WDR19: variants seen among roughly 807,000 people sequenced by gnomAD.
The protein encoded by WDR19 is WD repeat domain 19.
A neutral mutation model predicts 180.0 loss-of-function variants in WDR19; 121 were observed. The ratio of observed to expected loss-of-function variants is 0.67; its 90% CI spans 0.58 to 0.78. WDR19 has a LOEUF of 0.78. Among genes scored for constraint, WDR19 ranks in the 30% least tolerant of loss-of-function variants. The pLI, the probability that WDR19 is intolerant of heterozygous loss-of-function variation, is 0.00. For synonymous variants in WDR19, 497 were observed against 540.7 expected (o/e 0.92, Z 1.12); for missense variants, 1,450 against 1,640.7 (o/e 0.88, Z 2.01).
At chr4:39,185,860 T>G in intron 2 of WDR19, 43 bp downstream of exon 2, 3 of 1,465,726 alleles carry the variant, frequency 2.0e-6, no homozygotes, top group Non-Finnish European at 2.8e-6. Context: ...TGCATGCCCA[T>G]GTAATCACAC....
In WDR19 at chr4:39,214,604, TA is replaced by T; in HGVS notation, c.898del (p.Ile300SerfsTer7). 1 of 1,551,262 alleles carries T rather than the reference TA, an allele frequency of 6.4e-7. No homozygotes were observed. The highest frequency in any genetic ancestry group is 8.8e-7 in the Non-Finnish European group (1 of 1,138,808). ...KVATCGDNCI[K>X]IQDLVDLKDM... ...ATAATGCATTTTTGTTTTTCAGCAT[TA>T]AAATCCAAGACTTGGTTGACTTAAA... is the stretch of plus-strand genomic sequence containing the variant. On this transcript the variant is annotated frameshift_variant, in exon 10 of 37. Coordinates refer to ENST00000399820, the MANE Select transcript of WDR19 (RefSeq NM_025132.4). LOFTEE classifies it high-confidence loss of function.
At chr4:39,260,114 A>G (rs1409035437) in intron 28 of WDR19, among the ~76,000 whole-genome samples, 2 of 151,610 alleles carry the variant, frequency 1.3e-5, no homozygotes, top group Admixed American at 1.3e-4. Flanking sequence ...CATACTTGCT[A>G]TTTATTTGTT....
intron 28 of WDR19, among the ~76,000 whole-genome samples, chr4:39,264,515 G>A (rs1255654213): frequency 6.6e-6 from 1 of 152,152 alleles, no homozygotes; most frequent in African/African-American, 2.4e-5. Context: ...CAAGTCTACT[G>A]ATTGCATCCT....
intron 9 of WDR19, among the ~76,000 whole-genome samples, chr4:39,206,838 A>ACAGAAGG (rs1357628908): frequency 6.6e-6 from 1 of 152,232 alleles, no homozygotes; most frequent in Non-Finnish European, 1.5e-5. Flanking sequence ...ACCGTCAGCT[A>ACAGAAGG]CAGAAGGCTC....
At chr4:39,238,632 T>C (rs1283073425) in intron 20 of WDR19, among the ~76,000 whole-genome samples, 1 of 152,208 alleles carries the variant, frequency 6.6e-6, no homozygotes, top group Non-Finnish European at 1.5e-5. Flanking sequence ...TTGCTGACTA[T>C]GGAGTCCTAG....
chr4:39,223,603 A>G (rs111583402), intron 14 of WDR19, among the ~76,000 whole-genome samples: 1 of 152,282 alleles, frequency 6.6e-6, no homozygotes, highest in East Asian at 1.9e-4. Context: ...CGGCCTCCCA[A>G]TGTGCTGGGA....
chr4:39,217,036 A>C, intron 12 of WDR19, 98 bp from the exon 13 acceptor site: 2 of 707,186 alleles, frequency 2.8e-6, no homozygotes, highest in Non-Finnish European at 4.7e-6. Flanking sequence ...TAAGTTCAGA[A>C]TATTTTTGCA....
rs60128786 is a variant in WDR19, at chr4:39,211,929, CAG to C, written c.891-2616_891-2615del. Among the ~76,000 whole-genome samples, 559 of 135,184 alleles carry C rather than the reference CAG, an allele frequency of 4.1e-3. 2 individuals are homozygous for C. The highest frequency in any genetic ancestry group is 0.014 in the African/African-American group (508 of 36,212). The allele number at this position is 135,184 out of a possible 152,430, so 88.7% of individuals were successfully genotyped here. A position where few individuals can be genotyped will look rare whatever the true frequency, so the allele number is the denominator to read the frequency against. On this transcript the variant is annotated intron_variant, in intron 9 of 36. Coordinates refer to ENST00000399820, the MANE Select transcript of WDR19 (RefSeq NM_025132.4). ...GCATGCTTGTTCTAATATAGACAGA[CAG>C]AGAGAGAGAGAGAGAGAGAGAGAGA...
At position 39,217,198 on chromosome 4, in the gene WDR19, C is replaced by G. The variant is rs1472206592; in HGVS notation, c.1314C>G (p.Asp438Glu). Reference sequence around the variant, plus strand: ...TAGCCAGTATTTGCCTTCATTCTGACTATGCTGCTGCACTTTTTGAAGGCA... The same window carrying G: ...TAGCCAGTATTTGCCTTCATTCTGAGTATGCTGCTGCACTTTTTGAAGGCA... ...GTVASICLHS[D>E]YAAALFEGKV... The change falls in exon 13 of 37, where the codon GAC (aspartate) becomes GAG (glutamate). Residue 438 changes from aspartate to glutamate, a missense_variant. Physicochemically the swap from Asp to Glu is conservative, Grantham distance 45. Coordinates refer to ENST00000399820, the MANE Select transcript of WDR19 (RefSeq NM_025132.4). 2.5e-6 allele frequency: 4 copies of G among 1,607,942 alleles called. No individual in the cohort carries two copies. The highest frequency in any genetic ancestry group is 3.4e-6 in the Non-Finnish European group (4 of 1,177,284).
At chr4:39,273,854 G>T (rs879872539) in intron 32 of WDR19, 1 of 152,164 alleles carries the variant, frequency 6.6e-6, no homozygotes, top group African/African-American at 2.4e-5. Context: ...TATTCCAAAA[G>T]ACATGTCATG....
At chr4:39,277,915 A>G (rs1408829032) in intron 34 of WDR19, among the ~76,000 whole-genome samples, 2 of 152,152 alleles carry the variant, frequency 1.3e-5, no homozygotes, top group African/African-American at 2.4e-5. Context: ...TTAGCCAAGC[A>G]TGGTGGCGCA....
chr4:39,275,095 T>G, intron 33 of WDR19, 137 bp downstream of exon 33: 1 of 1,089,590 alleles, frequency 9.2e-7, no homozygotes, highest in Non-Finnish European at 1.3e-6. Context: ...ATCCCAACAC[T>G]TTGGAAGGCT....
chr4:39,248,205 C>T (rs866935903), intron 24 of WDR19, among the ~76,000 whole-genome samples: 14 of 152,310 alleles, frequency 9.2e-5, no homozygotes, highest in African/African-American at 2.9e-4. Flanking sequence ...ATTCAACATT[C>T]TTAAAGAAAA....
At chr4:39,190,988 T>G (rs554508395) in intron 4 of WDR19, among the ~76,000 whole-genome samples, 2 of 152,382 alleles carry the variant, frequency 1.3e-5, no homozygotes, top group East Asian at 3.9e-4. Flanking sequence ...CTAACTGGTC[T>G]ATCTCTGCCT....
intron 36 of WDR19, among the ~76,000 whole-genome samples, chr4:39,281,263 A>AGAGAG (rs57108177): frequency 1.4e-5 from 2 of 147,158 alleles, no homozygotes; most frequent in South Asian, 2.2e-4. Flanking sequence ...AGAGAGAGAG[A>AGAGAG]AAGCCTACTA....
intron 26 of WDR19, 55 bp from the exon 27 acceptor site, chr4:39,255,793 A>G (rs1339044832): frequency 3.0e-6 from 3 of 994,912 alleles, no homozygotes; most frequent in African/African-American, 1.7e-5. Flanking sequence ...CAGGTTAGCA[A>G]TAAAAGGTAA....
At chr4:39,231,981 C>A in intron 18 of WDR19, 25 bp downstream of exon 18, 1 of 1,596,380 alleles carries the variant, frequency 6.3e-7, no homozygotes, top group South Asian at 1.1e-5. Context: ...ATAGAATTAT[C>A]AAGTTAAAAT....
intron 12 of WDR19, among the ~76,000 whole-genome samples, chr4:39,216,578 G>C (rs958636043): frequency 9.9e-5 from 15 of 152,136 alleles, no homozygotes; most frequent in African/African-American, 3.4e-4. Context: ...TGGATCATGA[G>C]GAAGATTAAA....
At chr4:39,204,656 G>A (rs1727760761) in intron 7 of WDR19, among the ~76,000 whole-genome samples, 1 of 152,130 alleles carries the variant, frequency 6.6e-6, no homozygotes, top group Non-Finnish European at 1.5e-5. Context: ...GAATTTACTT[G>A]CATGAGTAGC....
Sources: allele counts gnomAD v4.1 joint callset (sites outside exome capture counted in the v4.1 genomes callset), GRCh38; gene constraint gnomAD v4.1.1; transcripts MANE v1.5; gene names NCBI Gene and HGNC (gene_info 2026-07-23, HGNC 2026-07-21).